ASPH: variants seen among roughly 807,000 people sequenced by gnomAD.
ASPH encodes aspartate beta-hydroxylase, also known as aspartyl/asparaginyl beta-hydroxylase.
In ASPH, 100 loss-of-function variants were observed where a neutral mutation model predicts 118.4. That is an observed-to-expected ratio of 0.84 (90% CI 0.72 to 1.00). The LOEUF is 1.00. Among genes scored for constraint, ASPH ranks in the 50% least tolerant of loss-of-function variants. The pLI is 0.00. For missense variants in ASPH, 920 were observed against 919.5 expected, an observed-to-expected ratio of 1.00 and a Z score of -0.01; for synonymous variants, 315 against 325.6, an observed-to-expected ratio of 0.97 and a Z score of 0.35.
chr8:61,593,075 T>G (rs972202449), intron 14 of ASPH, among the ~76,000 whole-genome samples: 7 of 152,170 alleles, frequency 4.6e-5, no homozygotes, highest in Non-Finnish European at 1.0e-4. Flanking sequence ...GTGGGAATTG[T>G]GCAAGGTATT....
intron 13 of ASPH, chr8:61,624,104 G>A (rs546260538): frequency 1.8e-6 from 1 of 543,984 alleles, no homozygotes; most frequent in Non-Finnish European, 2.3e-6. Context: ...ATAAGATCTA[G>A]TATTTGATAG....
rs571794460 is a variant in ASPH at position 61,515,421 on chromosome 8, G to A, written c.2126+2107C>T. ...CCTGATTCCTCCTCCTGGTCTACCCGATTTTGCCTTTCTTGCCCCATTTCC... is the reference window on the plus strand; with the variant it reads ...CCTGATTCCTCCTCCTGGTCTACCCAATTTTGCCTTTCTTGCCCCATTTCC... On this transcript the variant is annotated intron_variant, in intron 24 of 24. Coordinates refer to ENST00000379454, the MANE Select transcript of ASPH (RefSeq NM_004318.4). 6.6e-4 allele frequency among the ~76,000 whole-genome samples: 100 copies of A among 152,238 alleles called. No individual in the cohort carries two copies. The South Asian group carries it at 0.013, about 20-fold the overall frequency.
At chr8:61,523,769 T>C (rs1814161037) in intron 22 of ASPH, among the ~76,000 whole-genome samples, 1 of 151,894 alleles carries the variant, frequency 6.6e-6, no homozygotes, top group African/African-American at 2.4e-5. Context: ...TTTATGACAA[T>C]AAAATAAAAC....
intron 14 of ASPH, among the ~76,000 whole-genome samples, chr8:61,612,963 T>C (rs1847919371): frequency 6.6e-6 from 1 of 152,200 alleles, no homozygotes; most frequent in African/African-American, 2.4e-5. Flanking sequence ...CATCTTATAA[T>C]ATCACTATCA....
rs561627923 is a variant in ASPH, at chr8:61,500,660, A to G, written c.*2699T>C. 6.6e-6 allele frequency: 1 copy of G among 152,162 alleles called. No individual in the cohort carries two copies. Among genetic ancestry groups the G allele is most frequent in the Non-Finnish European group, 1.5e-5 (1 of 68,036 alleles). 9.4% of individuals were successfully genotyped at this position (152,162 alleles called of 1,614,324 possible). Reference sequence around the variant, plus strand: ...ATAAAATAAACAGACATCATATATGATATCCTTACTTGTGCCATGTTTTCC... The same window carrying G: ...ATAAAATAAACAGACATCATATATGGTATCCTTACTTGTGCCATGTTTTCC... On this transcript the variant is annotated 3_prime_UTR_variant, in exon 25 of 25. Transcript: ENST00000379454.
intron 14 of ASPH, among the ~76,000 whole-genome samples, chr8:61,600,346 T>TGGG: frequency 1.6e-3 from 242 of 147,664 alleles, no homozygotes; most frequent in African/African-American, 6.1e-3. Flanking sequence ...CTTTCACTGC[T>TGGG]CTTGTTTAAC....
At chr8:61,622,648 C>A (rs1448489758) in intron 13 of ASPH, among the ~76,000 whole-genome samples, 1 of 152,166 alleles carries the variant, frequency 6.6e-6, no homozygotes, top group Non-Finnish European at 1.5e-5. Flanking sequence ...TAGTTAGTTG[C>A]CTAACCATCT....
chr8:61,637,960 C>T lies in ASPH; in HGVS notation c.876G>A (p.Gln292=). ...AATTTATCTTACCTTCTACAATTACCTGTGAATCTTCTACAGGATTATCCT... is the reference window on the plus strand; with the variant it reads ...AATTTATCTTACCTTCTACAATTACTTGTGAATCTTCTACAGGATTATCCT... ...PPEDNPVEDS[Q]VIVEEVSIFP... Residue 292 remains glutamine (Q), a synonymous_variant, in exon 12 of 25, where the codon CAG becomes CAA. Coordinates refer to ENST00000379454, the MANE Select transcript of ASPH (RefSeq NM_004318.4). The T allele has an allele frequency of 2.5e-6, 4 of 1,609,182 alleles. No homozygotes were observed. The highest frequency in any genetic ancestry group is 3.4e-6 in the Non-Finnish European group (4 of 1,178,186).
At position 61,512,938 on chromosome 8, in the gene ASPH, C is replaced by T. The variant is rs543250921; in HGVS notation, c.2126+4590G>A. Reference sequence around the variant, plus strand: ...TGTTATACAAATTATGTGTGAGGGACGTGTATCAGTTTTCTAATCAGAAGG... The same window carrying T: ...TGTTATACAAATTATGTGTGAGGGATGTGTATCAGTTTTCTAATCAGAAGG... On this transcript the variant is annotated intron_variant, in intron 24 of 24. Transcript: ENST00000379454. Among the ~76,000 whole-genome samples, 9 of 152,144 alleles carry T rather than the reference C, an allele frequency of 5.9e-5. No homozygotes were observed. The South Asian group carries it at 1.7e-3, about 28-fold the overall frequency.
intron 15 of ASPH, among the ~76,000 whole-genome samples, chr8:61,580,013 G>C (rs972198676): frequency 2.0e-5 from 3 of 151,060 alleles, no homozygotes; most frequent in Admixed American, 6.6e-5. Flanking sequence ...AAATTTTAAA[G>C]CTCTGAAATC....
At chr8:61,678,234 G>A (rs1401484362) in intron 3 of ASPH, among the ~76,000 whole-genome samples, 1 of 152,138 alleles carries the variant, frequency 6.6e-6, no homozygotes, top group African/African-American at 2.4e-5. Flanking sequence ...TCCTTAGGTG[G>A]TGTCACTCTA....
chr8:61,649,375 G>T (rs1809728597), intron 5 of ASPH, among the ~76,000 whole-genome samples: 1 of 152,124 alleles, frequency 6.6e-6, no homozygotes, highest in African/African-American at 2.4e-5. Flanking sequence ...GAGGAGCTAT[G>T]GGGTGTGGGA....
chr8:61,629,292 A>G (rs1854466751), intron 13 of ASPH, among the ~76,000 whole-genome samples: 1 of 152,212 alleles, frequency 6.6e-6, no homozygotes, highest in South Asian at 2.1e-4. Flanking sequence ...TAGTTAATAG[A>G]CTCAGTCATA....
chr8:61,662,865 C>T (rs1435583660), intron 3 of ASPH: 51 of 984,042 alleles, frequency 5.2e-5, no homozygotes, highest in Non-Finnish European at 6.0e-5. Context: ...TTCTTATGTG[C>T]TTTTGATGAT....
chr8:61,573,505 C>G (rs1834103252), intron 16 of ASPH, among the ~76,000 whole-genome samples: 1 of 152,094 alleles, frequency 6.6e-6, no homozygotes, highest in African/African-American at 2.4e-5. Flanking sequence ...TGTACTGGTA[C>G]CAAAACAGAT....
chr8:61,559,997 A>G (rs985607117), intron 18 of ASPH, among the ~76,000 whole-genome samples: 1 of 152,150 alleles, frequency 6.6e-6, no homozygotes, highest in Non-Finnish European at 1.5e-5. Flanking sequence ...GCAAGAGATG[A>G]CGGGTGCTTT....
At chr8:61,597,520 C>T (rs1469545461) in intron 14 of ASPH, among the ~76,000 whole-genome samples, 3 of 152,020 alleles carry the variant, frequency 2.0e-5, no homozygotes, top group Non-Finnish European at 2.9e-5. Context: ...ATATAGACAT[C>T]CAAATATGAG....
At chr8:61,579,979 C>T (rs1160690481) in intron 15 of ASPH, among the ~76,000 whole-genome samples, 2 of 147,690 alleles carry the variant, frequency 1.4e-5, no homozygotes, top group Non-Finnish European at 3.0e-5. Flanking sequence ...CCATGCAAGT[C>T]TAAAATCCAG....
chr8:61,623,424 C>T (rs1284966297), intron 13 of ASPH, among the ~76,000 whole-genome samples: 3 of 152,090 alleles, frequency 2.0e-5, no homozygotes, highest in Non-Finnish European at 2.9e-5. Flanking sequence ...TGTCTGAGCT[C>T]CTTATATATT....
Sources: allele counts gnomAD v4.1 joint callset (sites outside exome capture counted in the v4.1 genomes callset), GRCh38; gene constraint gnomAD v4.1.1; transcripts MANE v1.5; gene names NCBI Gene and HGNC (gene_info 2026-07-23, HGNC 2026-07-21).